TRA2A: variants seen among roughly 807,000 people sequenced by gnomAD.
TRA2A encodes the protein transformer 2 alpha homolog.
Under a neutral mutation model 45.7 loss-of-function variants are expected in TRA2A, and 31 were observed. The ratio of observed to expected loss-of-function variants is 0.68; its 90% confidence interval spans 0.51 to 0.92. TRA2A has a LOEUF of 0.92. Ranked by LOEUF, TRA2A falls within the 40% of genes least tolerant of loss-of-function variation. The pLI is 0.00. For missense variants in TRA2A, 304 were observed against 367.5 expected, an observed-to-expected ratio of 0.83 and a Z score of 1.41; for synonymous variants, 132 against 126.2, an observed-to-expected ratio of 1.05 and a Z score of -0.31.
intron 4 of TRA2A, among the ~76,000 whole-genome samples, chr7:23,509,132 C>T (rs577402196): frequency 2.6e-5 from 4 of 152,262 alleles, no homozygotes; most frequent in African/African-American, 7.2e-5. Context: ...CCACCACACC[C>T]GGTCCAATTT....
chr7:23,512,759 C>T, intron 4 of TRA2A, 135 bp downstream of exon 4: 1 of 769,204 alleles, frequency 1.3e-6, no homozygotes. Context: ...CGCCTGGACG[C>T]AAGATCCTAT....
At chr7:23,511,384 AAAAAAAAAAAAAAAAAAAAAAAAAAAG>A (rs59011174) in intron 4 of TRA2A, among the ~76,000 whole-genome samples, 3,664 of 38,384 alleles carry the variant, frequency 0.095, 179 homozygotes, top group African/African-American at 0.19. Flanking sequence ...AAAAAAAAAA[AAAAAAAAAAAAAAAAAAAAAAAAAAAG>A]AAAAGAAAAG....
rs563470263 is a variant in TRA2A, at chr7:23,521,834, G to T, written c.43C>A (p.Arg15Ser). ...EENNFEGRES[R>S]SQSKSPTGTP... ...CCCGTTGGAGATTTTGACTGAGAGC[G>T]AGACTCCTAACAAAGAAGACAGTAT... The change falls in exon 2 of 8, where the codon CGC becomes AGC. Residue 15 changes from arginine (R) to serine (S), a missense_variant. Physicochemically the swap from Arg to Ser is moderately radical, Grantham distance 110. Transcript: ENST00000297071. The T allele has an allele frequency of 1.9e-6, 3 of 1,614,000 alleles. No homozygotes were observed. The highest frequency in any genetic ancestry group is 3.3e-5 in the Admixed American group (2 of 59,978).
intron 4 of TRA2A, among the ~76,000 whole-genome samples, chr7:23,512,219 A>C (rs1424124915): frequency 6.6e-6 from 1 of 152,178 alleles, no homozygotes; most frequent in Non-Finnish European, 1.5e-5. Context: ...AGGACACAAC[A>C]GGCCATGTAT....
intron 2 of TRA2A, among the ~76,000 whole-genome samples, chr7:23,520,719 GTC>G (rs1245229803): frequency 3.6e-5 from 5 of 139,688 alleles, no homozygotes; most frequent in Admixed American, 7.5e-5. Context: ...AAAAGAAAGA[GTC>G]TCTCTGTCAC....
intron 4 of TRA2A, among the ~76,000 whole-genome samples, chr7:23,512,493 G>A (rs1226100622): frequency 3.3e-5 from 5 of 151,840 alleles, no homozygotes; most frequent in Non-Finnish European, 1.5e-5. Flanking sequence ...GAGTCTCACT[G>A]TGTCGCCCAG....
In TRA2A at chr7:23,505,290, A is replaced by T. The variant is rs2127989397; in HGVS notation, c.*269T>A. 1 of 364,860 alleles carries T rather than the reference A, an allele frequency of 2.7e-6. No homozygotes were observed. Among genetic ancestry groups the T allele is most frequent in the South Asian group, 1.3e-4 (1 of 7,758 alleles). 22.6% of individuals were successfully genotyped at this position (364,860 alleles called of 1,614,324 possible). ...GAAGTTTATCTAGGTAAAAGCAAAA[A>T]AAAAAATTTACAAAGCATAACATAA... is the stretch of plus-strand genomic sequence containing the variant. On this transcript the variant is annotated 3_prime_UTR_variant, in exon 8 of 8. Transcript: ENST00000297071.
At chr7:23,509,251 C>T (rs180853617) in intron 4 of TRA2A, among the ~76,000 whole-genome samples, 3 of 151,764 alleles carry the variant, frequency 2.0e-5, no homozygotes, top group East Asian at 3.9e-4. Context: ...AGTTGATCTC[C>T]CTGCACCCCA....
rs531863948 is a variant in TRA2A at position 23,524,704 on chromosome 7, T to C, written c.37-2864A>G. 2.3e-3 allele frequency among the ~76,000 whole-genome samples: 355 copies of C among 152,158 alleles called. 3 individuals are homozygous for C. The highest frequency in any genetic ancestry group is 0.015 in the South Asian group (70 of 4,814). On this transcript the variant is annotated intron_variant, in intron 1 of 7. Transcript: ENST00000297071. ...CTATGATTTTAACTATTTTTTTTTT[T>C]TTTGAGATGGAGTCTTGCTCTGTAG... is the stretch of plus-strand genomic sequence containing the variant.
chr7:23,506,460 G>A (rs2127990332), intron 5 of TRA2A, 194 bp from the exon 6 acceptor site: 1 of 531,218 alleles, frequency 1.9e-6, no homozygotes, highest in Admixed American at 3.7e-5. Flanking sequence ...TAATCAAGAA[G>A]GGCTTCACAA....
intron 4 of TRA2A, among the ~76,000 whole-genome samples, chr7:23,508,746 G>C (rs2127991340): frequency 6.6e-6 from 1 of 152,214 alleles, no homozygotes; most frequent in East Asian, 1.9e-4. Context: ...CTCCTGCCTT[G>C]GCCTCCCAAA....
intron 3 of TRA2A, among the ~76,000 whole-genome samples, chr7:23,513,825 T>C (rs1584119506): frequency 1.3e-5 from 2 of 152,134 alleles, no homozygotes; most frequent in South Asian, 4.1e-4. Context: ...ACATTCTGAT[T>C]TGTCTTGATT....
intron 3 of TRA2A, 128 bp from the exon 4 acceptor site, chr7:23,513,210 G>T: frequency 1.4e-6 from 1 of 698,398 alleles, no homozygotes; most frequent in South Asian, 2.4e-5. Flanking sequence ...TTGGAGATAA[G>T]ATTTTAAGAG....
At chr7:23,526,716 TAAA>T (rs1025465036) in intron 1 of TRA2A, among the ~76,000 whole-genome samples, 2 of 152,174 alleles carry the variant, frequency 1.3e-5, no homozygotes, top group Admixed American at 1.3e-4. Flanking sequence ...ACAAATCCCT[TAAA>T]AAGAAGATAG....
At chr7:23,515,730 G>A (rs191653938) in intron 3 of TRA2A, among the ~76,000 whole-genome samples, 55 of 150,910 alleles carry the variant, frequency 3.6e-4, no homozygotes, top group Admixed American at 1.4e-3. Context: ...ATTTTTAGCA[G>A]AGATGGGGTT....
chr7:23,531,938 G>T lies in TRA2A; in HGVS notation c.-114C>A. 8.5e-7 allele frequency: 1 copy of T among 1,170,318 alleles called. No individual in the cohort carries two copies. Among genetic ancestry groups the T allele is most frequent in the Non-Finnish European group, 1.2e-6 (1 of 803,546 alleles). The allele number at this position is 1,170,318 out of a possible 1,614,324, so 72.5% of individuals were successfully genotyped here. On this transcript the variant is annotated 5_prime_UTR_variant, in exon 1 of 8. In the 5' UTR this introduces an upstream ATG that the reference lacks. Coordinates refer to ENST00000297071, the MANE Select transcript of TRA2A (RefSeq NM_013293.5). Reference sequence around the variant, plus strand: ...GAAGAGGAAAGAGTCGGCAACCACAGCCGCTCCACTCCACTCCCACTCGGT... The same window carrying T: ...GAAGAGGAAAGAGTCGGCAACCACATCCGCTCCACTCCACTCCCACTCGGT...
chr7:23,508,275 TA>T (rs67642004), intron 4 of TRA2A, among the ~76,000 whole-genome samples: 25,632 of 101,352 alleles, frequency 0.25, 2,863 homozygotes, highest in East Asian at 0.34. Flanking sequence ...TAAAGGTCAT[TA>T]AAAAAAAAAA....
intron 1 of TRA2A, among the ~76,000 whole-genome samples, chr7:23,525,453 G>C (rs1228225245): frequency 6.6e-6 from 1 of 152,052 alleles, no homozygotes; most frequent in Non-Finnish European, 1.5e-5. Context: ...TACACTGCCC[G>C]GTTTAAATGG....
At chr7:23,517,509 GAA>G (rs1202950257) in intron 2 of TRA2A, among the ~76,000 whole-genome samples, 68 of 77,066 alleles carry the variant, frequency 8.8e-4, no homozygotes, top group African/African-American at 3.0e-3. Flanking sequence ...AAAAAAGAGA[GAA>G]AGAAAGAAAA....
Sources: allele counts gnomAD v4.1 joint callset (sites outside exome capture counted in the v4.1 genomes callset), GRCh38; gene constraint gnomAD v4.1.1; transcripts MANE v1.5; gene names NCBI Gene and HGNC (gene_info 2026-07-23, HGNC 2026-07-21).